The following MNAT1 variants were observed in gnomAD, a reference collection of about 807,000 sequenced individuals.
The protein encoded by MNAT1 is CDK-activating kinase assembly factor MAT1.
Under a neutral mutation model 42.0 loss-of-function variants are expected in MNAT1, and 43 were observed. That is an observed-to-expected ratio of 1.02 (90% CI 0.80 to 1.32). MNAT1 has a LOEUF of 1.32. Ranked by LOEUF, MNAT1 falls within the 40% of genes most tolerant of loss-of-function variation. The pLI is 0.00. For missense variants in MNAT1, 306 were observed against 350.4 expected, an observed-to-expected ratio of 0.87 and a Z score of 1.01; for synonymous variants, 118 against 120.0, an observed-to-expected ratio of 0.98 and a Z score of 0.11.
chr14:60,766,803 G>A (rs1186945574), intron 1 of MNAT1, among the ~76,000 whole-genome samples: 3 of 152,172 alleles, frequency 2.0e-5, no homozygotes, highest in South Asian at 2.1e-4. Context: ...TCATTTTGGG[G>A]AGGCTTATTA....
intron 6 of MNAT1, among the ~76,000 whole-genome samples, chr14:60,846,238 T>A (rs1024124300): frequency 6.6e-6 from 1 of 152,076 alleles, no homozygotes; most frequent in African/African-American, 2.4e-5. Flanking sequence ...TTCTTCTAAG[T>A]TGAATTTCTG....
intron 7 of MNAT1, among the ~76,000 whole-genome samples, chr14:60,913,656 G>A (rs919683671): frequency 2.0e-5 from 3 of 152,140 alleles, no homozygotes; most frequent in East Asian, 1.9e-4. Flanking sequence ...TTGGTGAACC[G>A]CAAATGCTGC....
At chr14:60,900,355 A>G (rs1414322211) in intron 7 of MNAT1, among the ~76,000 whole-genome samples, 2 of 152,356 alleles carry the variant, frequency 1.3e-5, no homozygotes, top group Non-Finnish European at 2.9e-5. Flanking sequence ...GAACACATGA[A>G]TGTTAAGAAA....
intron 7 of MNAT1, among the ~76,000 whole-genome samples, chr14:60,903,061 A>T (rs946692384): frequency 2.0e-5 from 3 of 151,362 alleles, no homozygotes; most frequent in African/African-American, 4.8e-5. Context: ...TAATAACTGT[A>T]GTTTCTTTCT....
intron 7 of MNAT1, among the ~76,000 whole-genome samples, chr14:60,920,995 T>C (rs1290613453): frequency 1.3e-5 from 2 of 152,218 alleles, no homozygotes; most frequent in Admixed American, 1.3e-4. Flanking sequence ...GATTGTAACC[T>C]AAGTCTCTCT....
chr14:60,911,650 C>G (rs992674914), intron 7 of MNAT1, among the ~76,000 whole-genome samples: 1 of 152,144 alleles, frequency 6.6e-6, no homozygotes, highest in Non-Finnish European at 1.5e-5. Context: ...TTTCTTAATC[C>G]TGAGTTCTAG....
chr14:60,833,034 T>A (rs1040240953), intron 6 of MNAT1, among the ~76,000 whole-genome samples: 3 of 152,206 alleles, frequency 2.0e-5, no homozygotes, highest in Non-Finnish European at 4.4e-5. Flanking sequence ...TTTTGTATCC[T>A]GAGACTTTGC....
At chr14:60,857,293 T>G (rs893592074) in intron 6 of MNAT1, among the ~76,000 whole-genome samples, 1 of 152,290 alleles carries the variant, frequency 6.6e-6, no homozygotes, top group Non-Finnish European at 1.5e-5. Flanking sequence ...CCAACCCCCA[T>G]GGAAGGACTT....
At chr14:60,794,848 A>C (rs1000775308) in intron 1 of MNAT1, among the ~76,000 whole-genome samples, 1 of 151,508 alleles carries the variant, frequency 6.6e-6, no homozygotes, top group Non-Finnish European at 1.5e-5. Flanking sequence ...GAAGAAATCA[A>C]CTCTTCCCTA....
At chr14:60,896,147 G>T (rs1274176769) in intron 7 of MNAT1, among the ~76,000 whole-genome samples, 1 of 152,120 alleles carries the variant, frequency 6.6e-6, no homozygotes, top group Non-Finnish European at 1.5e-5. Context: ...CATTCACAGG[G>T]TATCATTAGT....
intron 6 of MNAT1, among the ~76,000 whole-genome samples, chr14:60,838,328 G>T (rs1471542260): frequency 6.6e-6 from 1 of 151,790 alleles, no homozygotes; most frequent in Admixed American, 6.6e-5. Flanking sequence ...AGGAGAGACA[G>T]GATCTCCTTA....
intron 6 of MNAT1, among the ~76,000 whole-genome samples, chr14:60,826,014 A>G (rs571994339): frequency 1.3e-5 from 2 of 152,314 alleles, no homozygotes; most frequent in South Asian, 4.1e-4. Flanking sequence ...TTTGTTTAAT[A>G]AACCTAGAGA....
intron 1 of MNAT1, among the ~76,000 whole-genome samples, chr14:60,746,917 TATATATACAC>T (rs1263561664): frequency 3.7e-5 from 1 of 27,164 alleles, no homozygotes; most frequent in African/African-American, 1.3e-4. Flanking sequence ...TATATATATA[TATATATACAC>T]ACACACACAC....
intron 1 of MNAT1, among the ~76,000 whole-genome samples, chr14:60,750,806 G>C (rs2030058263): frequency 6.6e-6 from 1 of 152,078 alleles, no homozygotes; most frequent in South Asian, 2.1e-4. Flanking sequence ...AAAAATGTCT[G>C]GGTGATACCA....
chr14:60,770,085 A>AT (rs1196110234), intron 1 of MNAT1, among the ~76,000 whole-genome samples: 2 of 152,048 alleles, frequency 1.3e-5, no homozygotes, highest in African/African-American at 4.8e-5. Flanking sequence ...CATTAAACTA[A>AT]TTTTCCCTTC....
At chr14:60,812,217 T>G (rs2032575244) in intron 5 of MNAT1, 90 bp downstream of exon 5, 2 of 1,257,472 alleles carry the variant, frequency 1.6e-6, no homozygotes, top group African/African-American at 3.0e-5. Context: ...AAAGGGCTTT[T>G]CCACAGTGTT....
chr14:60,932,714 C>T (rs2035915290), intron 7 of MNAT1, among the ~76,000 whole-genome samples: 3 of 151,864 alleles, frequency 2.0e-5, no homozygotes, highest in Admixed American at 1.3e-4. Flanking sequence ...AATAGATGAC[C>T]ATACAGTTGT....
At chr14:60,868,979 C>G (rs1243022856) in intron 6 of MNAT1, among the ~76,000 whole-genome samples, 1 of 147,842 alleles carries the variant, frequency 6.8e-6, no homozygotes, top group Non-Finnish European at 1.5e-5. Flanking sequence ...AGTGTTCATA[C>G]TATTACATCA....
chr14:60,817,206 A>G (rs1280433854), intron 5 of MNAT1, among the ~76,000 whole-genome samples: 1 of 151,822 alleles, frequency 6.6e-6, no homozygotes, highest in Admixed American at 6.6e-5. Context: ...ATCACAGCCC[A>G]TTAAAAATGT....
Sources: allele counts gnomAD v4.1 joint callset (sites outside exome capture counted in the v4.1 genomes callset), GRCh38; gene constraint gnomAD v4.1.1; transcripts MANE v1.5; gene names NCBI Gene and HGNC (gene_info 2026-07-23, HGNC 2026-07-21).